The following LIN28B variants were observed in gnomAD, a reference collection of about 807,000 sequenced individuals.
The protein encoded by LIN28B is protein lin-28 homolog B.
LIN28B carries 5 observed loss-of-function variants against 21.9 expected under a neutral mutation model. The ratio of observed to expected loss-of-function variants is 0.23; its 90% confidence interval spans 0.12 to 0.48. The LOEUF (loss-of-function observed/expected upper bound fraction) is 0.48, where lower values mean the gene tolerates loss of function less well. Ranked by LOEUF, LIN28B falls within the 20% of genes least tolerant of loss-of-function variation. LIN28B has a pLI of 0.98. For missense variants in LIN28B, 245 were observed against 310.5 expected, an observed-to-expected ratio of 0.79 and a Z score of 1.58; for synonymous variants, 109 against 111.3, an observed-to-expected ratio of 0.98 and a Z score of 0.13.
At chr6:104,989,971 G>A (rs114641719) in intron 2 of LIN28B, among the ~76,000 whole-genome samples, 2,557 of 152,048 alleles carry the variant, frequency 0.017, 73 homozygotes, top group African/African-American at 0.059. Flanking sequence ...CATTTCCATC[G>A]GAGACTACTT....
At chr6:104,973,004 G>A (rs981597139) in intron 2 of LIN28B, among the ~76,000 whole-genome samples, 5 of 151,842 alleles carry the variant, frequency 3.3e-5, no homozygotes, top group Non-Finnish European at 5.9e-5. Context: ...CCAGCTGTTC[G>A]TGAGGCTGAG....
At chr6:105,045,665 G>GC in intron 3 of LIN28B, 1 of 152,242 alleles carries the variant, frequency 6.6e-6, no homozygotes, top group Non-Finnish European at 1.5e-5. Context: ...GGCAAAGCAA[G>GC]CACCCACTCA....
intron 2 of LIN28B, among the ~76,000 whole-genome samples, chr6:104,961,043 C>A (rs539973817): frequency 2.6e-5 from 4 of 152,032 alleles, no homozygotes; most frequent in Admixed American, 2.0e-4. Context: ...TGGTATGTAA[C>A]CATTGATGGT....
chr6:105,060,848 C>T (rs1306958455), intron 3 of LIN28B, among the ~76,000 whole-genome samples: 1 of 151,918 alleles, frequency 6.6e-6, no homozygotes, highest in East Asian at 1.9e-4. Flanking sequence ...TTTGAGATTA[C>T]AAGAAAACAT....
intron 2 of LIN28B, among the ~76,000 whole-genome samples, chr6:105,003,476 ATCTC>A (rs1034947986): frequency 2.6e-5 from 4 of 151,762 alleles, no homozygotes; most frequent in Middle Eastern, 3.2e-3. Flanking sequence ...GTGAGATTAG[ATCTC>A]TCTCTCTTTC....
chr6:105,009,373 G>T (rs1770878332), intron 2 of LIN28B, among the ~76,000 whole-genome samples: 1 of 152,136 alleles, frequency 6.6e-6, no homozygotes, highest in South Asian at 2.1e-4. Flanking sequence ...GATCTCCAGA[G>T]TTTTAAAGAT....
Position 105,080,083 on chromosome 6 carries a change from C to A in LIN28B, c.*1300C>A, listed in dbSNP as rs1317592459. The A allele has an allele frequency of 6.6e-6, 1 of 152,270 alleles. No individual in the cohort carries two copies. Among genetic ancestry groups the A allele is most frequent in the African/African-American group, 2.4e-5 (1 of 41,398 alleles). 9.4% of individuals were successfully genotyped at this position (152,270 alleles called of 1,614,324 possible). A position where few individuals can be genotyped will look rare whatever the true frequency, so the allele number is the denominator to read the frequency against. On this transcript the variant is annotated 3_prime_UTR_variant, in exon 4 of 4. Transcript: ENST00000345080. ...ACCTTCAATGCTTATTCTGAAGTAACCTATATGGTGGATACAGGATGAACA... is the reference window on the plus strand; with the variant it reads ...ACCTTCAATGCTTATTCTGAAGTAAACTATATGGTGGATACAGGATGAACA...
intron 3 of LIN28B, among the ~76,000 whole-genome samples, chr6:105,056,188 G>A (rs149718872): frequency 6.6e-6 from 1 of 151,666 alleles, no homozygotes; most frequent in Non-Finnish European, 1.5e-5. Flanking sequence ...CAACATTTGG[G>A]TCTTTTTAAG....
chr6:105,035,801 A>G (rs1344043680), intron 3 of LIN28B, among the ~76,000 whole-genome samples: 1 of 152,198 alleles, frequency 6.6e-6, no homozygotes, highest in East Asian at 1.9e-4. Flanking sequence ...TCTTGTATGC[A>G]TTTGTATACT....
At chr6:104,972,012 C>T (rs1769993451) in intron 2 of LIN28B, among the ~76,000 whole-genome samples, 1 of 151,932 alleles carries the variant, frequency 6.6e-6, no homozygotes, top group Admixed American at 6.6e-5. Context: ...GCTCTGTCTC[C>T]CAGGCTGTAG....
At chr6:105,017,096 AAGAT>A (rs1196516470) in intron 2 of LIN28B, among the ~76,000 whole-genome samples, 2 of 151,718 alleles carry the variant, frequency 1.3e-5, no homozygotes, top group South Asian at 2.1e-4. Flanking sequence ...AAAAAAAAGA[AAGAT>A]AACAGACACA....
chr6:105,000,683 A>G (rs1194382706), intron 2 of LIN28B, among the ~76,000 whole-genome samples: 1 of 151,708 alleles, frequency 6.6e-6, no homozygotes, highest in Non-Finnish European at 1.5e-5. Context: ...TATTTATTAA[A>G]TTAAAAAAAT....
chr6:104,955,550 G>A (rs1405203562), upstream of LIN28B, among the ~76,000 whole-genome samples: 2 of 152,068 alleles, frequency 1.3e-5, no homozygotes, highest in African/African-American at 2.4e-5. Context: ...TGTTTAATAT[G>A]GGGAGGGAGT....
intron 3 of LIN28B, among the ~76,000 whole-genome samples, chr6:105,044,816 G>GT (rs1771713440): frequency 1.3e-5 from 2 of 152,064 alleles, no homozygotes; most frequent in Admixed American, 1.3e-4. Context: ...ACTAGTGCAC[G>GT]TTCTACCCAA....
chr6:104,942,802 G>A (rs1322202564), intron 2 of LIN28B, among the ~76,000 whole-genome samples: 1 of 152,114 alleles, frequency 6.6e-6, no homozygotes, highest in Non-Finnish European at 1.5e-5. Flanking sequence ...CATTTTACAA[G>A]TAGGATCAGC....
At chr6:105,014,672 A>T (rs529554732) in intron 2 of LIN28B, among the ~76,000 whole-genome samples, 1 of 152,156 alleles carries the variant, frequency 6.6e-6, no homozygotes, top group African/African-American at 2.4e-5. Flanking sequence ...CCAGGGGGTC[A>T]TGAACACCTG....
intron 3 of LIN28B, among the ~76,000 whole-genome samples, chr6:105,044,496 T>G (rs1055331696): frequency 1.3e-5 from 2 of 152,176 alleles, no homozygotes; most frequent in Non-Finnish European, 2.9e-5. Flanking sequence ...TCAAATTATT[T>G]TATTCACAAA....
chr6:105,045,441 A>T (rs924158321), intron 3 of LIN28B: 4 of 151,774 alleles, frequency 2.6e-5, no homozygotes, highest in Non-Finnish European at 5.9e-5. Flanking sequence ...ATGCGCCACC[A>T]TGCCCAGCTA....
intron 2 of LIN28B, among the ~76,000 whole-genome samples, chr6:104,977,182 C>T (rs1055855247): frequency 2.0e-5 from 3 of 152,116 alleles, no homozygotes; most frequent in Admixed American, 2.0e-4. Flanking sequence ...AATCTTTCTT[C>T]TCATATTTCC....
Sources: gnomAD v4.1 joint callset for allele counts (sites outside exome capture counted in the v4.1 genomes callset) on GRCh38, gnomAD v4.1.1 for gene constraint, MANE v1.5 for transcripts, NCBI Gene and HGNC (gene_info 2026-07-23, HGNC 2026-07-21) for gene names.